The following SELENOI variants were observed in gnomAD, a reference collection of about 807,000 sequenced individuals.
SELENOI encodes the protein ethanolaminephosphotransferase 1.
In SELENOI, 24 loss-of-function variants were observed where a neutral mutation model predicts 50.7. That is an observed-to-expected ratio of 0.47 (90% confidence interval 0.34 to 0.67). The LOEUF (loss-of-function observed/expected upper bound fraction) is 0.67, where lower values mean the gene tolerates loss of function less well. Among genes scored for constraint, SELENOI ranks in the 30% least tolerant of loss-of-function variants. The pLI, the probability that SELENOI is intolerant of heterozygous loss-of-function variation, is 0.01. For synonymous variants in SELENOI, 155 were observed against 170.2 expected, an observed-to-expected ratio of 0.91 and a Z score of 0.70; for missense variants, 352 against 461.4, an observed-to-expected ratio of 0.76 and a Z score of 2.17.
rs935803384 is a variant in SELENOI, at chr2:26,346,403, G to A, written c.57+114G>A. The A allele has an allele frequency of 3.4e-5, 45 of 1,317,368 alleles. No homozygotes were observed. In the African/African-American group the frequency reaches 4.2e-4, roughly 12 times the overall value. 81.6% of individuals were successfully genotyped at this position (1,317,368 alleles called of 1,614,324 possible). A position where few individuals can be genotyped will look rare whatever the true frequency, so the allele number is the denominator to read the frequency against. The stretch of plus-strand genomic sequence containing the variant: ...GTGCCGCGTGGCTCCGGGCGGGCTG[G>A]CGGGCGTTCCTCCGGAGGTCCTGCG... On this transcript the variant is annotated intron_variant, in intron 1 of 9. Transcript: ENST00000260585.
At chr2:26,358,184 C>G (rs1347517423) in intron 1 of SELENOI, among the ~76,000 whole-genome samples, 1 of 152,162 alleles carries the variant, frequency 6.6e-6, no homozygotes, top group African/African-American at 2.4e-5. Context: ...GGGAGGATCT[C>G]TTGAGGTCAG....
At chr2:26,347,364 G>T (rs1346514064) in intron 1 of SELENOI, among the ~76,000 whole-genome samples, 5 of 151,788 alleles carry the variant, frequency 3.3e-5, no homozygotes, top group Non-Finnish European at 7.4e-5. Context: ...GTGCATACTA[G>T]GCACCCAGTA....
chr2:26,372,425 T>C (rs568868931), intron 4 of SELENOI, among the ~76,000 whole-genome samples: 4 of 152,320 alleles, frequency 2.6e-5, no homozygotes, highest in Non-Finnish European at 4.4e-5. Flanking sequence ...CCTTTCTCAA[T>C]TGTAAATTCT....
chr2:26,383,333 A>T lies in SELENOI; in HGVS notation c.717A>T (p.Leu239Phe), dbSNP rs1677748140. The T allele has an allele frequency of 3.2e-6, 5 of 1,540,500 alleles. No homozygotes were observed. In the African/African-American group the frequency reaches 6.8e-5, roughly 21 times the overall value. Reference protein sequence around the residue: ...CALCVTLPMSLLNFFRSYKNN... With the variant: ...CALCVTLPMSFLNFFRSYKNN... ...TATGTGTGACTCTTCCAATGAGTTT[A>T]TTAAACTTTTTCAGGTAAGTATTTT... The change falls in exon 7 of 10, where the codon TTA (leucine) becomes TTT (phenylalanine). Residue 239 changes from leucine to phenylalanine, a missense_variant. Coordinates refer to ENST00000260585, the MANE Select transcript of SELENOI (RefSeq NM_033505.4).
chr2:26,360,999 G>A (rs1330670872), intron 1 of SELENOI, among the ~76,000 whole-genome samples: 3 of 152,186 alleles, frequency 2.0e-5, no homozygotes, highest in Non-Finnish European at 2.9e-5. Flanking sequence ...TGGGTCACGA[G>A]GTCAGGAGAT....
intron 1 of SELENOI, among the ~76,000 whole-genome samples, chr2:26,348,996 C>CTTTTTTTTTTTTTTTTTT (rs869073468): frequency 5.2e-5 from 3 of 57,688 alleles, no homozygotes; most frequent in Non-Finnish European, 1.1e-4. Context: ...TTTGGACAGG[C>CTTTTTTTTTTTTTTTTTT]TTTTTTTTTT....
intron 4 of SELENOI, among the ~76,000 whole-genome samples, chr2:26,367,973 AC>A (rs1269088667): frequency 6.6e-6 from 1 of 152,154 alleles, no homozygotes; most frequent in African/African-American, 2.4e-5. Flanking sequence ...TCTAACTAAA[AC>A]GTTAAGTTTT....
In SELENOI at chr2:26,364,883, C is replaced by T. The variant is rs1318440652; in HGVS notation, c.178C>T (p.Leu60=). The change falls in exon 3 of 10, where the codon CTG becomes TTG. Residue 60 remains leucine, a synonymous_variant. Coordinates refer to ENST00000260585, the MANE Select transcript of SELENOI (RefSeq NM_033505.4). ...TCTGATAACTTTTTCTGGCTTTCTGCTGGTCGTATTCAATTTTCTGCTAAT... is the reference window on the plus strand; with the variant it reads ...TCTGATAACTTTTTCTGGCTTTCTGTTGGTCGTATTCAATTTTCTGCTAAT... ...PNLITFSGFL[L]VVFNFLLMAY... 1 of 1,610,788 alleles carries T rather than the reference C, an allele frequency of 6.2e-7. No individual in the cohort carries two copies. Among genetic ancestry groups the T allele is most frequent in the East Asian group, 2.2e-5 (1 of 44,606 alleles).
intron 1 of SELENOI, among the ~76,000 whole-genome samples, chr2:26,355,116 CACATAGTGCTGTAT>C (rs1677038939): frequency 6.6e-6 from 1 of 152,142 alleles, no homozygotes; most frequent in African/African-American, 2.4e-5. Flanking sequence ...AAGTGCCTGG[CACATAGTGCTGTAT>C]AAGTGCTGAG....
At chr2:26,351,055 G>GTTTTTTTTTTTTTTT (rs35623246) in intron 1 of SELENOI, among the ~76,000 whole-genome samples, 1 of 102,898 alleles carries the variant, frequency 9.7e-6, no homozygotes, top group Non-Finnish European at 2.0e-5. Context: ...CTGTTTGTTT[G>GTTTTTTTTTTTTTTT]TTTTTTTTTT....
intron 2 of SELENOI, 53 bp from the exon 3 acceptor site, chr2:26,364,779 T>G: frequency 1.5e-6 from 2 of 1,307,190 alleles, no homozygotes; most frequent in South Asian, 2.7e-5. Flanking sequence ...GTAGTATACA[T>G]TGGACAGAGA....
intron 1 of SELENOI, among the ~76,000 whole-genome samples, chr2:26,348,510 CTA>C (rs1479559002): frequency 1.3e-5 from 2 of 152,194 alleles, no homozygotes; most frequent in South Asian, 2.1e-4. Context: ...AAGCAGGAAA[CTA>C]TAAGACAATT....
intron 5 of SELENOI, 98 bp downstream of exon 5, chr2:26,373,727 G>T (rs1677506645): frequency 8.1e-7 from 1 of 1,241,076 alleles, no homozygotes; most frequent in African/African-American, 1.5e-5. Flanking sequence ...TTTTTGATTA[G>T]AATTGATATG....
Position 26,373,466 on chromosome 2 carries a change from T to G in SELENOI, c.410T>G (p.Val137Gly), listed in dbSNP as rs2147955850. The change falls in exon 5 of 10, where the codon GTT becomes GGT. Residue 137 changes from valine (V) to glycine (G), a missense_variant. Val to Gly is a moderately radical substitution (Grantham distance 109). Transcript: ENST00000260585. The part of the protein sequence containing the change: ...GLDSWSCVYF[V>G]VTVYSIFGRG... ...GATAGTTGGTCATGTGTTTACTTTG[T>G]TGTGACTGTTTATTCCATCTTTGGA... is the stretch of plus-strand genomic sequence containing the variant. 1 of 1,613,976 alleles carries G rather than the reference T, an allele frequency of 6.2e-7. No homozygotes were observed. The highest frequency in any genetic ancestry group is 1.6e-4 in the Middle Eastern group (1 of 6,062).
intron 4 of SELENOI, among the ~76,000 whole-genome samples, chr2:26,368,835 G>T (rs73920265): frequency 0.032 from 4,812 of 152,210 alleles, 111 homozygotes; most frequent in Middle Eastern, 0.061. Flanking sequence ...AATGAGAAAA[G>T]ACTTTCTGGG....
At chr2:26,386,779 G>A (rs1012739164) in intron 9 of SELENOI, among the ~76,000 whole-genome samples, 3 of 152,294 alleles carry the variant, frequency 2.0e-5, no homozygotes, top group Admixed American at 2.0e-4. Flanking sequence ...TAATTATTGT[G>A]AGGAATTAGT....
At chr2:26,349,057 C>T (rs1488535733) in intron 1 of SELENOI, among the ~76,000 whole-genome samples, 1 of 118,554 alleles carries the variant, frequency 8.4e-6, no homozygotes, top group African/African-American at 3.0e-5. Context: ...CTCTTGTTGC[C>T]CAGGCTGGAG....
intron 1 of SELENOI, among the ~76,000 whole-genome samples, chr2:26,358,103 T>G (rs1365673688): frequency 1.3e-5 from 2 of 152,166 alleles, no homozygotes; most frequent in African/African-American, 4.8e-5. Flanking sequence ...TGTTTTTCTT[T>G]ATAAATTACC....
rs890315047 is a variant in SELENOI at position 26,389,454 on chromosome 2, A to G, written c.*351A>G. 5.7e-6 allele frequency: 1 copy of G among 174,734 alleles called. No individual in the cohort carries two copies. Among genetic ancestry groups the G allele is most frequent in the South Asian group, 1.5e-4 (1 of 6,606 alleles). The allele number at this position is 174,734 out of a possible 1,614,324, so 10.8% of individuals were successfully genotyped here. On this transcript the variant is annotated 3_prime_UTR_variant, in exon 10 of 10. Coordinates refer to ENST00000260585, the MANE Select transcript of SELENOI (RefSeq NM_033505.4). Reference sequence around the variant, plus strand: ...TACCAAAATTGGTTTCAGAACACTGATAACACTCAGAAAACCACAGTGTGT... The same window carrying G: ...TACCAAAATTGGTTTCAGAACACTGGTAACACTCAGAAAACCACAGTGTGT...
Sources: allele counts gnomAD v4.1 joint callset (sites outside exome capture counted in the v4.1 genomes callset), GRCh38; gene constraint gnomAD v4.1.1; transcripts MANE v1.5; gene names NCBI Gene and HGNC (gene_info 2026-07-23, HGNC 2026-07-21).